FANCB: variants seen among roughly 807,000 people sequenced by gnomAD.
FANCB encodes the protein Fanconi anemia group B protein.
Under a neutral mutation model 38.9 loss-of-function variants are expected in FANCB, and 5 were observed. The ratio of observed to expected loss-of-function variants is 0.13; its 90% CI spans 0.07 to 0.27. The LOEUF is 0.27. FANCB is among the 10% of genes least tolerant of loss of function. The pLI is 1.00. For missense variants in FANCB, 573 were observed against 602.7 expected (o/e 0.95, Z 0.52); for synonymous variants, 236 against 215.4 (o/e 1.10, Z -0.84).
chrX:14,826,542 T>C, the FANCB span, among the ~76,000 whole-genome samples: 1 of 112,607 alleles, frequency 8.9e-6, no homozygotes, highest in Non-Finnish European at 1.9e-5. Flanking sequence ...TTCAATGTAA[T>C]TTTAATCTGC....
At chrX:14,739,697 C>T in the FANCB span, among the ~76,000 whole-genome samples, 1 of 111,396 alleles carries the variant, frequency 9.0e-6, no homozygotes, top group Middle Eastern at 4.6e-3. Flanking sequence ...ATTTCAAAGG[C>T]GTTTATTTTC....
At chrX:14,695,343 T>TA in the FANCB span, among the ~76,000 whole-genome samples, 2 of 111,573 alleles carry the variant, frequency 1.8e-5, no homozygotes, top group East Asian at 5.6e-4. Flanking sequence ...GGGGATATAT[T>TA]TTTTCCAAAA....
chrX:14,698,067 G>A, the FANCB span, among the ~76,000 whole-genome samples: 1 of 111,638 alleles, frequency 9.0e-6, no homozygotes, highest in Non-Finnish European at 1.9e-5. Flanking sequence ...GGAAACTAAT[G>A]CAAAAAGAAA....
At chrX:14,813,343 G>A in the FANCB span, among the ~76,000 whole-genome samples, 1 of 107,800 alleles carries the variant, frequency 9.3e-6, no homozygotes, top group Non-Finnish European at 1.9e-5. Flanking sequence ...AGGAAATAAA[G>A]GGTATTCAAT....
the FANCB span, among the ~76,000 whole-genome samples, chrX:14,747,104 C>T: frequency 8.9e-6 from 1 of 112,080 alleles, no homozygotes; most frequent in African/African-American, 3.2e-5. Context: ...TTCTGCCCCA[C>T]TCCTCTTTCC....
chrX:14,728,571 C>A, the FANCB span, among the ~76,000 whole-genome samples: 1 of 111,868 alleles, frequency 8.9e-6, no homozygotes, highest in Non-Finnish European at 1.9e-5. Flanking sequence ...TTCACACTTG[C>A]TATCTCTCCA....
At chrX:14,854,439 A>C (rs2092415082) in intron 5 of FANCB, among the ~76,000 whole-genome samples, 1 of 112,150 alleles carries the variant, frequency 8.9e-6, no homozygotes, top group African/African-American at 3.2e-5. Context: ...ATAAAACTAC[A>C]AAAATAAATT....
the FANCB span, among the ~76,000 whole-genome samples, chrX:14,756,174 C>A: frequency 8.9e-6 from 1 of 111,743 alleles, no homozygotes; most frequent in South Asian, 3.7e-4. Flanking sequence ...CAAAAATCAA[C>A]CCAAAATGGA....
chrX:14,725,076 ATAAC>A, the FANCB span, among the ~76,000 whole-genome samples: 5 of 112,047 alleles, frequency 4.5e-5, no homozygotes, highest in African/African-American at 1.6e-4. Flanking sequence ...TATTAGCACT[ATAAC>A]TATAGGAAGC....
At position 14,859,297 on chromosome X, in the gene FANCB, A is replaced by G. The variant is rs200161949; in HGVS notation, c.989T>C (p.Ile330Thr). The G allele has an allele frequency of 5.8e-4, 686 of 1,191,371 alleles. 1 individual carries two copies. The highest frequency in any genetic ancestry group is 1.5e-3 in the Admixed American group (69 of 45,642). ...AKWEKLSLVL[I>T]DDFIGSGTEQ... The stretch of plus-strand genomic sequence containing the variant: ...AGTTCCACTTCCAATAAAGTCATCT[A>G]TCAGTACTAAGCTAAGTTTTTCCCA... The change falls in exon 4 of 10, where the codon ATA becomes ACA. Residue 330 changes from isoleucine to threonine, a missense_variant. Coordinates refer to ENST00000650831, the MANE Select transcript of FANCB (RefSeq NM_001018113.3).
the FANCB span, among the ~76,000 whole-genome samples, chrX:14,735,760 G>A: frequency 1.5e-4 from 17 of 112,601 alleles, no homozygotes; most frequent in East Asian, 1.1e-3. Context: ...GAGCTAGAGC[G>A]CTGTGCTGGG....
At chrX:14,764,802 T>C in the FANCB span, among the ~76,000 whole-genome samples, 1 of 111,869 alleles carries the variant, frequency 8.9e-6, no homozygotes, top group Non-Finnish European at 1.9e-5. Flanking sequence ...AGTAATGGCA[T>C]GTGACTTCTG....
the FANCB span, among the ~76,000 whole-genome samples, chrX:14,760,869 G>A: frequency 1.8e-4 from 20 of 111,156 alleles, no homozygotes; most frequent in Admixed American, 3.8e-4. Context: ...TACTCAGGAG[G>A]CTGAGGCAGG....
the FANCB span, among the ~76,000 whole-genome samples, chrX:14,726,628 C>A: frequency 8.9e-6 from 1 of 112,520 alleles, no homozygotes; most frequent in African/African-American, 3.2e-5. Flanking sequence ...TAAGCCCCCA[C>A]AGTTTGCATG....
chrX:14,772,071 A>T, the FANCB span, among the ~76,000 whole-genome samples: 2 of 110,873 alleles, frequency 1.8e-5, no homozygotes, highest in African/African-American at 6.6e-5. Flanking sequence ...AGTCTCAGTC[A>T]GTCAGGAGGA....
the FANCB span, among the ~76,000 whole-genome samples, chrX:14,737,517 G>A: frequency 3.6e-5 from 4 of 111,728 alleles, no homozygotes; most frequent in Non-Finnish European, 7.5e-5. Context: ...AACCACTTTG[G>A]AGATAGGGAG....
At chrX:14,832,316 C>G (rs1302726839), downstream of FANCB, among the ~76,000 whole-genome samples, 13 of 111,372 alleles carry the variant, frequency 1.2e-4, no homozygotes, top group African/African-American at 4.3e-4. Context: ...AGCATTTTCC[C>G]TGTGTCTCTG....
the FANCB span, among the ~76,000 whole-genome samples, chrX:14,715,242 G>A: frequency 1.8e-5 from 2 of 112,328 alleles, no homozygotes; most frequent in Non-Finnish European, 3.8e-5. Context: ...TTCAAAAATA[G>A]AAAACCTCAG....
At chrX:14,780,637 G>T in the FANCB span, among the ~76,000 whole-genome samples, 1 of 110,412 alleles carries the variant, frequency 9.1e-6, no homozygotes, top group African/African-American at 3.4e-5. Flanking sequence ...ATTATTTTAG[G>T]CTTTGCAAGC....
Sources: gnomAD v4.1 joint callset for allele counts (sites outside exome capture counted in the v4.1 genomes callset) on GRCh38, gnomAD v4.1.1 for gene constraint, MANE v1.5 for transcripts, NCBI Gene and HGNC (gene_info 2026-07-23, HGNC 2026-07-21) for gene names.